Variants in PCDHGA10 observed in about 807,000 individuals in gnomAD.
PCDHGA10 encodes protocadherin gamma subfamily A, 10.
In PCDHGA10, 42 loss-of-function variants were observed where a neutral mutation model predicts 59.5. That is an observed-to-expected ratio of 0.71 (90% CI 0.55 to 0.91). The LOEUF (loss-of-function observed/expected upper bound fraction) is 0.91, where lower values mean the gene tolerates loss of function less well. Ranked by LOEUF, PCDHGA10 falls within the 40% of genes least tolerant of loss-of-function variation. The pLI, the probability that PCDHGA10 is intolerant of heterozygous loss-of-function variation, is 0.00. For synonymous variants in PCDHGA10, 511 were observed against 517.2 expected (o/e 0.99, Z 0.16); for missense variants, 1,111 against 1,198.2 (o/e 0.93, Z 1.07).
rs372326132 is a variant in PCDHGA10 at position 141,486,185 on chromosome 5, G to A, written c.2437-8622G>A. On this transcript the variant is annotated intron_variant, in intron 1 of 3. Coordinates refer to ENST00000398610, the MANE Select transcript of PCDHGA10 (RefSeq NM_018913.3). The surrounding 1 kb of genome is among the most constrained non-coding windows in gnomAD (Gnocchi z 5.0). ...CATGGAGCAACATTGCAGCCTTCGAGTGGATCTGCTGGACGTAAATGACAA... is the reference window on the plus strand; with the variant it reads ...CATGGAGCAACATTGCAGCCTTCGAATGGATCTGCTGGACGTAAATGACAA... 42 of 1,614,108 alleles carry A rather than the reference G, an allele frequency of 2.6e-5. No homozygotes were observed. The highest frequency in any genetic ancestry group is 3.4e-5 in the Non-Finnish European group (40 of 1,180,048).
At chr5:141,456,918 G>C (rs535602842) in intron 1 of PCDHGA10, among the ~76,000 whole-genome samples, 49 of 152,124 alleles carry the variant, frequency 3.2e-4, no homozygotes, top group African/African-American at 1.2e-3. Context: ...AGCCGAGATC[G>C]CACCACTGCA....
At chr5:141,464,480 A>T (rs1013894368) in intron 1 of PCDHGA10, among the ~76,000 whole-genome samples, 4 of 151,864 alleles carry the variant, frequency 2.6e-5, no homozygotes, top group African/African-American at 7.3e-5. Flanking sequence ...CGTATAATAA[A>T]TTCCTAATAG....
At position 141,417,952 on chromosome 5, in the gene PCDHGA10, G is replaced by C. The variant is rs766243694; in HGVS notation, c.2436+2341G>C. 10 of 1,613,510 alleles carry C rather than the reference G, an allele frequency of 6.2e-6. No individual in the cohort carries two copies. In the African/African-American group the frequency reaches 1.3e-4, roughly 22 times the overall value. On this transcript the variant is annotated intron_variant, in intron 1 of 3. Coordinates refer to ENST00000398610, the MANE Select transcript of PCDHGA10 (RefSeq NM_018913.3). ...CTTTGTTCTACCCCACGCTGTGTGA[G>C]CCGATCCGCTACTCGATTCCGGAGG...
intron 2 of PCDHGA10, among the ~76,000 whole-genome samples, chr5:141,500,289 A>G (rs1440166636): frequency 6.6e-6 from 1 of 151,486 alleles, no homozygotes; most frequent in African/African-American, 2.4e-5. Flanking sequence ...GCTCACTGCA[A>G]GCTCCGCCTC....
chr5:141,498,265 T>G (rs2099782779), intron 2 of PCDHGA10, among the ~76,000 whole-genome samples: 2 of 152,010 alleles, frequency 1.3e-5, no homozygotes, highest in Non-Finnish European at 2.9e-5. Context: ...TGTTGAGTTC[T>G]TCAGTAAACT....
intron 1 of PCDHGA10, chr5:141,421,613 A>T (rs2096587756): frequency 6.2e-7 from 1 of 1,613,720 alleles, no homozygotes; most frequent in Admixed American, 1.7e-5. Context: ...GATATTAATG[A>T]TAACGCCCCC....
Position 141,490,330 on chromosome 5 carries a change from C to T in PCDHGA10, c.2437-4477C>T, listed in dbSNP as rs2099698666. ...GGCCAACCCTGTCCTAGAGAGCACA[C>T]CAGTGGGCACAGTAGTGGGGTTGTT... is the stretch of plus-strand genomic sequence containing the variant. On this transcript the variant is annotated intron_variant, in intron 1 of 3. Transcript: ENST00000398610. The surrounding 1 kb of genome is among the most constrained non-coding windows in gnomAD (Gnocchi z 5.4). 6.2e-7 allele frequency: 1 copy of T among 1,614,080 alleles called. No individual in the cohort carries two copies. Among genetic ancestry groups the T allele is most frequent in the Non-Finnish European group, 8.5e-7 (1 of 1,180,042 alleles).
intron 1 of PCDHGA10, among the ~76,000 whole-genome samples, chr5:141,455,161 T>G (rs6861291): frequency 0.084 from 8,821 of 104,682 alleles, 480 homozygotes; most frequent in African/African-American, 0.22. Context: ...AGTTTGTTGG[T>G]TTTTTTTTTA....
rs769839324 is a variant in PCDHGA10 at position 141,415,422 on chromosome 5, G to A, written c.2247G>A (p.Gly749=). The A allele has an allele frequency of 1.9e-6, 3 of 1,614,204 alleles. No individual in the cohort carries two copies. The highest frequency in any genetic ancestry group is 2.2e-5 in the East Asian group (1 of 44,880). The change falls in exon 1 of 4, where the codon GGG becomes GGA. Residue 749 remains glycine (G), a synonymous_variant. Transcript: ENST00000398610. ...GCTCGCACTTTGTGGGCGTGGACGG[G>A]GTTCGGGCTTTCCTGCAGACCTATT... The part of the protein sequence containing the change: ...VSGSHFVGVD[G]VRAFLQTYSH...
In PCDHGA10 at chr5:141,490,658, T is replaced by A. The variant is rs776806248; in HGVS notation, c.2437-4149T>A. The A allele has an allele frequency of 8.1e-6, 13 of 1,614,204 alleles. No homozygotes were observed. The South Asian group carries it at 1.4e-4, about 18-fold the overall frequency. ...GAAAACCGGCCTCCGGGCTCCCTTC[T>A]TTGCACTGTGGCTGCCTCAGATCCA... On this transcript the variant is annotated intron_variant, in intron 1 of 3. Transcript: ENST00000398610. The surrounding 1 kb of genome is among the most constrained non-coding windows in gnomAD (Gnocchi z 5.4).
Position 141,487,229 on chromosome 5 carries a change from G to A in PCDHGA10, c.2437-7578G>A. On this transcript the variant is annotated intron_variant, in intron 1 of 3. Coordinates refer to ENST00000398610, the MANE Select transcript of PCDHGA10 (RefSeq NM_018913.3). The surrounding 1 kb of genome is among the most constrained non-coding windows in gnomAD (Gnocchi z 5.0). ...AGAATCTTCAGCTCCAAGGGAAGGA[G>A]AATCTCGTCTAACCCTCTACTTGGC... is the stretch of plus-strand genomic sequence containing the variant. The A allele has an allele frequency of 6.2e-7, 1 of 1,614,138 alleles. No individual in the cohort carries two copies. The highest frequency in any genetic ancestry group is 8.5e-7 in the Non-Finnish European group (1 of 1,179,994).
chr5:141,496,888 T>TAAA (rs35063790), intron 2 of PCDHGA10, among the ~76,000 whole-genome samples: 5 of 134,118 alleles, frequency 3.7e-5, no homozygotes, highest in East Asian at 4.4e-4. Context: ...AAGTAACACT[T>TAAA]AAAAAAAAAA....
chr5:141,454,546 A>G (rs1342532359), intron 1 of PCDHGA10, among the ~76,000 whole-genome samples: 1 of 152,098 alleles, frequency 6.6e-6, no homozygotes, highest in African/African-American at 2.4e-5. Flanking sequence ...AGCTGAGATT[A>G]CAGGCATGTG....
At chr5:141,449,016 C>T (rs2098623330) in intron 1 of PCDHGA10, among the ~76,000 whole-genome samples, 1 of 152,008 alleles carries the variant, frequency 6.6e-6, no homozygotes, top group African/African-American at 2.4e-5. Context: ...TTAACAGTTG[C>T]TTAGCATTCC....
In PCDHGA10 at chr5:141,418,905, T is replaced by C. The variant is rs144920415; in HGVS notation, c.2436+3294T>C. The C allele has an allele frequency of 5.0e-6, 8 of 1,613,944 alleles. No homozygotes were observed. The East Asian group carries it at 1.8e-4, about 36-fold the overall frequency. ...AACGACAACAGCCCAGAAATAATCA[T>C]CACGTCACTCTCTGATCAGATTATG... On this transcript the variant is annotated intron_variant, in intron 1 of 3. Coordinates refer to ENST00000398610, the MANE Select transcript of PCDHGA10 (RefSeq NM_018913.3).
Position 141,489,179 on chromosome 5 carries a change from C to T in PCDHGA10, c.2437-5628C>T. ...AGACTTCAGCTGCTGCATTCCAAGC[C>T]CTGGGTCTACCTTGGAGACAGGACA... On this transcript the variant is annotated intron_variant, in intron 1 of 3. Coordinates refer to ENST00000398610, the MANE Select transcript of PCDHGA10 (RefSeq NM_018913.3). The surrounding 1 kb of genome is among the most constrained non-coding windows in gnomAD (Gnocchi z 4.5). The T allele has an allele frequency of 8.0e-7, 1 of 1,243,186 alleles. No individual in the cohort carries two copies. The highest frequency in any genetic ancestry group is 1.1e-6 in the Non-Finnish European group (1 of 890,032). The allele number at this position is 1,243,186 out of a possible 1,614,324, so 77.0% of individuals were successfully genotyped here. A position where few individuals can be genotyped will look rare whatever the true frequency, so the allele number is the denominator to read the frequency against.
Position 141,431,535 on chromosome 5 carries a change from C to T in PCDHGA10, c.2436+15924C>T. On this transcript the variant is annotated intron_variant, in intron 1 of 3. Coordinates refer to ENST00000398610, the MANE Select transcript of PCDHGA10 (RefSeq NM_018913.3). This position sits in a 1 kb window ranked among gnomAD's most constrained non-coding sequence, Gnocchi z 4.8. ...GTTCCGGAGAATCTGGCCTTGGGCA[C>T]GCAGCTGCTTGTAGTCAACGCTACC... is the stretch of plus-strand genomic sequence containing the variant. 3 of 1,614,076 alleles carry T rather than the reference C, an allele frequency of 1.9e-6. No individual in the cohort carries two copies. Among genetic ancestry groups the T allele is most frequent in the Non-Finnish European group, 2.5e-6 (3 of 1,180,038 alleles).
chr5:141,460,470 A>T (rs2098990057), intron 1 of PCDHGA10, among the ~76,000 whole-genome samples: 1 of 152,110 alleles, frequency 6.6e-6, no homozygotes, highest in South Asian at 2.1e-4. Flanking sequence ...TTTCCAAAGG[A>T]ATATCCAATT....
intron 1 of PCDHGA10, among the ~76,000 whole-genome samples, chr5:141,436,383 G>C (rs1374382672): frequency 6.6e-6 from 1 of 152,104 alleles, no homozygotes; most frequent in Admixed American, 6.5e-5. Context: ...AGCTGAATAG[G>C]CTTTATTAAA....
Sources: allele counts gnomAD v4.1 joint callset (sites outside exome capture counted in the v4.1 genomes callset), GRCh38; gene constraint gnomAD v4.1.1; non-coding constraint Gnocchi (gnomAD v3.1); transcripts MANE v1.5; gene names NCBI Gene and HGNC (gene_info 2026-07-23, HGNC 2026-07-21).